Variants in PDE4C observed in about 807,000 individuals in gnomAD.
PDE4C encodes phosphodiesterase 4C, also known as 3',5'-cyclic-AMP phosphodiesterase 4C.
A neutral mutation model predicts 63.9 loss-of-function variants in PDE4C; 50 were observed. That is an observed-to-expected ratio of 0.78 (90% CI 0.62 to 0.99). The LOEUF (loss-of-function observed/expected upper bound fraction) is 0.99. Ranked by LOEUF, PDE4C falls within the 50% of genes least tolerant of loss-of-function variation. The pLI, the probability that PDE4C is intolerant of heterozygous loss-of-function variation, is 0.00. For missense variants in PDE4C, 777 were observed against 899.1 expected, an observed-to-expected ratio of 0.86 and a Z score of 1.74; for synonymous variants, 377 against 385.1, an observed-to-expected ratio of 0.98 and a Z score of 0.25.
At chr19:18,241,799 C>T (rs1004190502) in intron 1 of PDE4C, among the ~76,000 whole-genome samples, 1 of 152,126 alleles carries the variant, frequency 6.6e-6, no homozygotes, top group Non-Finnish European at 1.5e-5. Context: ...ATCCACAAAC[C>T]TCAGCCTCCC....
chr19:18,212,473 CTT>C (rs368839228), intron 13 of PDE4C, among the ~76,000 whole-genome samples: 28 of 131,938 alleles, frequency 2.1e-4, no homozygotes, highest in Admixed American at 3.9e-4. Context: ...CTGAGCCCAG[CTT>C]TTTTTTTTTT....
chr19:18,224,216 C>G (rs1968621243), intron 1 of PDE4C: 1 of 985,350 alleles, frequency 1.0e-6, no homozygotes, highest in African/African-American at 1.7e-5. Context: ...AGAACTGGGG[C>G]GCTAGAGAAG....
intron 11 of PDE4C, among the ~76,000 whole-genome samples, chr19:18,217,906 A>G (rs2148017027): frequency 6.6e-6 from 1 of 152,278 alleles, no homozygotes; most frequent in South Asian, 2.1e-4. Context: ...TTAAAAATAA[A>G]TAAATAAAGG....
At chr19:18,243,509 G>GC (rs981503253) in intron 1 of PDE4C, among the ~76,000 whole-genome samples, 3 of 11,544 alleles carry the variant, frequency 2.6e-4, no homozygotes, top group South Asian at 8.2e-3. Context: ...GGGGAAAATT[G>GC]GGGGAAGCAC....
upstream of PDE4C, among the ~76,000 whole-genome samples, chr19:18,251,143 C>T (rs146695836): frequency 2.7e-5 from 4 of 147,928 alleles, no homozygotes; most frequent in East Asian, 2.0e-4. Flanking sequence ...TTTTCCCCCC[C>T]GAGATGGAGT....
chr19:18,220,933 A>G lies in PDE4C; in HGVS notation c.450-10T>C. 1 of 1,599,738 alleles carries G rather than the reference A, an allele frequency of 6.3e-7. No individual in the cohort carries two copies. On this transcript the variant is annotated splice_polypyrimidine_tract_variant and intron_variant, in intron 4 of 14. Coordinates refer to ENST00000262805, the Ensembl canonical transcript of PDE4C. The surrounding 1 kb of genome is among the most constrained non-coding windows in gnomAD (Gnocchi z 5.1). ...TCCGACGGGTCCCTGCCTGCGGTAC[A>G]GCAGCCTCAGGCGTGGCTGCTCCGC...
chr19:18,219,065 T>C, intron 8 of PDE4C, 27 bp from the exon 9 acceptor site: 1 of 1,600,562 alleles, frequency 6.2e-7, no homozygotes, highest in Middle Eastern at 2.0e-4. Flanking sequence ...TGAAGCTTAA[T>C]TAACCCCAGC....
exon 15 of PDE4C, chr19:18,210,693 C>T (rs1433587285): frequency 2.3e-5 from 11 of 471,144 alleles, no homozygotes; most frequent in Middle Eastern, 5.7e-4. Context: ...ACCAGGGCAT[C>T]GTAAGAGGCT....
At chr19:18,216,241 GT>G (rs2148012843) in intron 12 of PDE4C, among the ~76,000 whole-genome samples, 1 of 150,860 alleles carries the variant, frequency 6.6e-6, no homozygotes, top group South Asian at 2.1e-4. Context: ...AGGGCCTGGG[GT>G]TTGGGCAGTC....
chr19:18,226,379 G>A (rs1600091251), exon 1 of PDE4C: 3 of 1,476,088 alleles, frequency 2.0e-6, no homozygotes, highest in Non-Finnish European at 2.7e-6. Flanking sequence ...GGGGAGCCGG[G>A]CCCGGGGACC....
rs1454206418 is a variant in PDE4C, at chr19:18,232,382, TGTGTGTGTGTGTG to T, written c.242+555_242+567del. On this transcript the variant is annotated intron_variant, in intron 1 of 14. Coordinates refer to the PDE4C transcript ENST00000594465. ...TGTCTCAAAAATAAAAACGTGTGTG[TGTGTGTGTGTGTG>T]TGTGTGTGTGTGTGCGTGTGTGTGT... 1.0e-3 allele frequency among the ~76,000 whole-genome samples: 24 copies of T among 23,698 alleles called. No homozygotes were observed. The African/African-American group carries it at 0.02, about 20-fold the overall frequency. 15.5% of individuals were successfully genotyped at this position (23,698 alleles called of 152,430 possible).
chr19:18,236,703 G>T (rs544188777), upstream of PDE4C, among the ~76,000 whole-genome samples: 1 of 152,304 alleles, frequency 6.6e-6, no homozygotes, highest in South Asian at 2.1e-4. Context: ...CCTTGTGCAT[G>T]GCTGTGTGCC....
chr19:18,250,603 C>T, upstream of PDE4C: 1 of 396,050 alleles, frequency 2.5e-6, no homozygotes. Flanking sequence ...TTGAGGCTGC[C>T]ACTTTTTAAT....
intron 1 of PDE4C, 34 bp from the exon 2 acceptor site, chr19:18,222,357 G>A (rs200471142): frequency 7.0e-4 from 1,101 of 1,583,298 alleles, no homozygotes; most frequent in Middle Eastern, 4.1e-3. Context: ...AGAGACGAGG[G>A]TCATGACAAC....
At chr19:18,232,374 C>CGTGTGT (rs4006742) in intron 1 of PDE4C, among the ~76,000 whole-genome samples, 220 of 149,952 alleles carry the variant, frequency 1.5e-3, no homozygotes, top group Non-Finnish European at 2.7e-3. Flanking sequence ...AAAATAAAAA[C>CGTGTGT]GTGTGTGTGT....
upstream of PDE4C, among the ~76,000 whole-genome samples, chr19:18,229,811 A>C (rs992465284): frequency 2.0e-5 from 3 of 152,056 alleles, no homozygotes; most frequent in African/African-American, 7.2e-5. Flanking sequence ...CCTTTGCTGC[A>C]GACCCTCCCA....
At position 18,218,539 on chromosome 19, in the gene PDE4C, G is replaced by C. The variant is rs920728478; in HGVS notation, c.970-41C>G. ...CCCTGGCTCAGGGCCTTGGCCTTGG[G>C]GCTGCAGCACACGCTGTTCCTACCC... On this transcript the variant is annotated intron_variant, in intron 9 of 14. Coordinates refer to ENST00000262805, the Ensembl canonical transcript of PDE4C. 6 of 1,609,988 alleles carry C rather than the reference G, an allele frequency of 3.7e-6. No homozygotes were observed. The African/African-American group carries it at 8.0e-5, about 22-fold the overall frequency.
chr19:18,218,114 C>A (rs1277044769), intron 11 of PDE4C, 35 bp downstream of exon 11: 1 of 1,515,806 alleles, frequency 6.6e-7, no homozygotes, highest in Admixed American at 1.7e-5. Context: ...CAGGGTCCAC[C>A]TCTTCTCCTG....
chr19:18,247,586 G>A (rs775880749), intron 1 of PDE4C, among the ~76,000 whole-genome samples: 1 of 152,140 alleles, frequency 6.6e-6, no homozygotes, highest in African/African-American at 2.4e-5. Context: ...GTGAGCCACC[G>A]CGCCTGGCCA....
Sources: allele counts gnomAD v4.1 joint callset (sites outside exome capture counted in the v4.1 genomes callset), GRCh38; gene constraint gnomAD v4.1.1; non-coding constraint Gnocchi (gnomAD v3.1); transcripts MANE v1.5; gene names NCBI Gene and HGNC (gene_info 2026-07-23, HGNC 2026-07-21).